The following NRXN3 variants were observed in gnomAD, a reference collection of about 807,000 sequenced individuals.
The protein encoded by NRXN3 is neurexin III.
NRXN3 carries 32 observed loss-of-function variants against 137.6 expected under a neutral mutation model. That is an observed-to-expected ratio of 0.23 (90% CI 0.18 to 0.31). The LOEUF (loss-of-function observed/expected upper bound fraction) is 0.31. NRXN3 is among the 10% of genes least tolerant of loss of function. The pLI is 1.00. For missense variants in NRXN3, 1,574 were observed against 2,062.5 expected (o/e 0.76, Z 4.59); for synonymous variants, 798 against 784.5 (o/e 1.02, Z -0.29).
chr14:79,100,805 G>C (rs2152840904), intron 15 of NRXN3, among the ~76,000 whole-genome samples: 1 of 152,268 alleles, frequency 6.6e-6, no homozygotes. Context: ...TCTGGGCACA[G>C]TCAAAAGTTG....
chr14:78,589,388 T>G (rs1028713236), intron 4 of NRXN3, among the ~76,000 whole-genome samples: 2 of 152,190 alleles, frequency 1.3e-5, no homozygotes, highest in Non-Finnish European at 2.9e-5. Flanking sequence ...TTCTGTGCAC[T>G]TCCAGCCTCC....
intron 1 of NRXN3, among the ~76,000 whole-genome samples, chr14:78,177,249 G>C (rs1322861769): frequency 6.6e-6 from 1 of 152,192 alleles, no homozygotes; most frequent in African/African-American, 2.4e-5. Flanking sequence ...GTTTCCAGAG[G>C]CTGGTTGGGG....
intron 6 of NRXN3, among the ~76,000 whole-genome samples, chr14:78,655,430 G>GA (rs1289305675): frequency 5.9e-5 from 9 of 151,638 alleles, no homozygotes; most frequent in East Asian, 3.9e-4. Context: ...TCATTGTCAG[G>GA]AAAAAAAACC....
chr14:78,870,666 C>G (rs1283851069), intron 10 of NRXN3, among the ~76,000 whole-genome samples: 2 of 151,826 alleles, frequency 1.3e-5, no homozygotes, highest in African/African-American at 4.8e-5. Flanking sequence ...TTAACAATCC[C>G]CCTTTTTATG....
chr14:79,518,135 C>G (rs908490712), intron 16 of NRXN3, among the ~76,000 whole-genome samples: 1 of 151,898 alleles, frequency 6.6e-6, no homozygotes, highest in Non-Finnish European at 1.5e-5. Flanking sequence ...AAACTCCTGA[C>G]CTCATGTGAT....
chr14:79,388,448 G>C (rs745542994), intron 15 of NRXN3, among the ~76,000 whole-genome samples: 1 of 151,970 alleles, frequency 6.6e-6, no homozygotes, highest in African/African-American at 2.4e-5. Flanking sequence ...GCCCTGTTCA[G>C]CTTTGAGGAG....
At chr14:78,548,275 T>TA (rs1484189200) in intron 4 of NRXN3, among the ~76,000 whole-genome samples, 1 of 152,242 alleles carries the variant, frequency 6.6e-6, no homozygotes, top group Non-Finnish European at 1.5e-5. Context: ...AAGTATATAA[T>TA]ATCAATCACT....
chr14:78,615,603 T>G (rs1013277235), intron 4 of NRXN3, among the ~76,000 whole-genome samples: 3 of 151,028 alleles, frequency 2.0e-5, no homozygotes, highest in African/African-American at 7.3e-5. Flanking sequence ...AGTGTGAGAC[T>G]CCATCTCAAA....
intron 4 of NRXN3, among the ~76,000 whole-genome samples, chr14:78,414,850 A>T (rs560147217): frequency 1.3e-5 from 2 of 152,206 alleles, no homozygotes; most frequent in African/African-American, 4.8e-5. Context: ...ATTTATAATG[A>T]AGAAGTCTGA....
chr14:78,571,984 G>T (rs953574776), intron 4 of NRXN3, among the ~76,000 whole-genome samples: 3 of 152,322 alleles, frequency 2.0e-5, no homozygotes, highest in South Asian at 2.1e-4. Flanking sequence ...TGGTGTGTTT[G>T]TTAGGAAGCT....
chr14:79,023,308 G>A (rs1028065125), intron 15 of NRXN3, among the ~76,000 whole-genome samples: 1 of 152,032 alleles, frequency 6.6e-6, no homozygotes, highest in Non-Finnish European at 1.5e-5. Flanking sequence ...GGGATACAGA[G>A]ATGAGCACAA....
chr14:79,018,812 T>TATC (rs567463297), intron 15 of NRXN3, among the ~76,000 whole-genome samples: 2 of 152,314 alleles, frequency 1.3e-5, no homozygotes, highest in African/African-American at 4.8e-5. Flanking sequence ...GAAACAAAAC[T>TATC]ATCTTTATCT....
At chr14:78,611,681 C>A (rs1019000525) in intron 4 of NRXN3, among the ~76,000 whole-genome samples, 2 of 152,158 alleles carry the variant, frequency 1.3e-5, no homozygotes, top group Admixed American at 1.3e-4. Context: ...CATTGCAAGT[C>A]AGATTTTCTA....
At chr14:78,949,526 T>A (rs2099382620) in intron 10 of NRXN3, among the ~76,000 whole-genome samples, 1 of 152,146 alleles carries the variant, frequency 6.6e-6, no homozygotes. Context: ...CTTGGTGCAA[T>A]GTGCCATGCT....
intron 15 of NRXN3, among the ~76,000 whole-genome samples, chr14:79,224,423 A>G (rs1243896492): frequency 6.6e-6 from 1 of 152,160 alleles, no homozygotes; most frequent in African/African-American, 2.4e-5. Context: ...ATACGATAAT[A>G]TAGTTGTTGA....
At chr14:78,988,665 C>A (rs1257525879) in intron 15 of NRXN3, among the ~76,000 whole-genome samples, 2 of 152,032 alleles carry the variant, frequency 1.3e-5, no homozygotes, top group Admixed American at 1.3e-4. Context: ...AAGCTTAAAG[C>A]GTTCTTGGGT....
chr14:79,090,869 C>G (rs370003500), intron 15 of NRXN3, among the ~76,000 whole-genome samples: 1 of 152,070 alleles, frequency 6.6e-6, no homozygotes, highest in Admixed American at 6.6e-5. Flanking sequence ...AATTTCCCAG[C>G]ATTTACAGCC....
At chr14:78,744,707 C>T (rs900624751) in intron 8 of NRXN3, 4 of 151,880 alleles carry the variant, frequency 2.6e-5, no homozygotes, top group Admixed American at 6.6e-5. Context: ...TTTTTAATGA[C>T]GCTGCACTAA....
chr14:78,865,936 T>C (rs2099085603), intron 10 of NRXN3, among the ~76,000 whole-genome samples: 1 of 152,160 alleles, frequency 6.6e-6, no homozygotes, highest in African/African-American at 2.4e-5. Context: ...TTATCAAATA[T>C]GTTACAGTTG....
Sources: gnomAD v4.1 joint callset for allele counts (sites outside exome capture counted in the v4.1 genomes callset) on GRCh38, gnomAD v4.1.1 for gene constraint, MANE v1.5 for transcripts, NCBI Gene and HGNC (gene_info 2026-07-23, HGNC 2026-07-21) for gene names.